Variants in CCDC150 observed in about 807,000 individuals in gnomAD.
The protein encoded by CCDC150 is coiled-coil domain-containing protein 150.
Under a neutral mutation model 156.5 loss-of-function variants are expected in CCDC150, and 151 were observed. The ratio of observed to expected loss-of-function variants is 0.97; its 90% CI spans 0.85 to 1.10. CCDC150 has a LOEUF of 1.10. Among genes scored for constraint, CCDC150 ranks in the 50% least tolerant of loss-of-function variants. The pLI is 0.00. For synonymous variants in CCDC150, 452 were observed against 429.4 expected (o/e 1.05, Z -0.65); for missense variants, 1,312 against 1,268.1 (o/e 1.03, Z -0.53).
chr2:196,665,594 T>A lies in CCDC150; in HGVS notation c.673T>A (p.Tyr225Asn), dbSNP rs748028276. 1.9e-6 allele frequency: 3 copies of A among 1,603,996 alleles called. No individual in the cohort carries two copies. Among genetic ancestry groups the A allele is most frequent in the Non-Finnish European group, 2.6e-6 (3 of 1,175,388 alleles). ...AAGGAGACAACTGGCTCAGGAGAAG[T>A]ACCTTAGGGAATCTTTAGAGAAATC... ...ELRRQLAQEK[Y>N]LRESLEKSAS... Residue 225 changes from tyrosine to asparagine, a missense_variant, in exon 6 of 28, where the codon TAC (tyrosine) becomes AAC (asparagine). Coordinates refer to ENST00000389175, the MANE Select transcript of CCDC150 (RefSeq NM_001080539.2).
chr2:196,676,455 C>A, intron 11 of CCDC150, 99 bp from the exon 12 acceptor site: 1 of 1,313,654 alleles, frequency 7.6e-7, no homozygotes, highest in Non-Finnish European at 1.1e-6. Context: ...GGTAACTACT[C>A]TCAGTCAGGA....
At chr2:196,659,247 A>G (rs1693415591) in intron 5 of CCDC150, among the ~76,000 whole-genome samples, 1 of 152,208 alleles carries the variant, frequency 6.6e-6, no homozygotes, top group African/African-American at 2.4e-5. Context: ...CTTTCATTTC[A>G]GCTTGTTTTA....
chr2:196,698,911 A>G (rs1342408709), intron 14 of CCDC150, among the ~76,000 whole-genome samples: 1 of 152,028 alleles, frequency 6.6e-6, no homozygotes, highest in Non-Finnish European at 1.5e-5. Flanking sequence ...TCATTGTTCA[A>G]TTCTTGTAGC....
intron 6 of CCDC150, 62 bp from the exon 7 acceptor site, chr2:196,666,657 A>G: frequency 1.8e-5 from 25 of 1,425,400 alleles, no homozygotes; most frequent in Non-Finnish European, 2.3e-5. Flanking sequence ...TACATGTGCT[A>G]TAAGGCAGCT....
At chr2:196,710,564 A>T (rs1026384049) in intron 15 of CCDC150, among the ~76,000 whole-genome samples, 7 of 152,182 alleles carry the variant, frequency 4.6e-5, no homozygotes, top group African/African-American at 1.7e-4. Flanking sequence ...AAAATGCAGA[A>T]ATCACCCGTC....
At chr2:196,705,363 T>C (rs909262612) in intron 15 of CCDC150, among the ~76,000 whole-genome samples, 1 of 152,250 alleles carries the variant, frequency 6.6e-6, no homozygotes, top group Non-Finnish European at 1.5e-5. Context: ...TTTTGAAAAC[T>C]GTCTGTTCAT....
chr2:196,712,663 T>G lies in CCDC150; in HGVS notation c.1804-14T>G, dbSNP rs1697209985. 1 of 1,601,626 alleles carries G rather than the reference T, an allele frequency of 6.2e-7. No homozygotes were observed. Among genetic ancestry groups the G allele is most frequent in the African/African-American group, 1.3e-5 (1 of 74,688 alleles). ...AGTTGTGAGGAACAAGTATCTTTGT[T>G]TTTTGAATTAAAGGCAAACTCAGAA... On this transcript the variant is annotated splice_polypyrimidine_tract_variant and intron_variant, in intron 16 of 27. Transcript: ENST00000389175.
At chr2:196,670,002 A>C in intron 8 of CCDC150, 126 bp downstream of exon 8, 2 of 603,060 alleles carry the variant, frequency 3.3e-6, no homozygotes, top group Non-Finnish European at 2.9e-6. Context: ...AGTTTCATGT[A>C]AATGAGTAGT....
intron 14 of CCDC150, among the ~76,000 whole-genome samples, chr2:196,698,184 T>C (rs909110338): frequency 2.4e-4 from 36 of 152,336 alleles, no homozygotes; most frequent in African/African-American, 8.4e-4. Flanking sequence ...TATTTAAATC[T>C]GTAAACAGTA....
At chr2:196,674,569 A>G (rs192334559) in intron 10 of CCDC150, among the ~76,000 whole-genome samples, 1 of 152,278 alleles carries the variant, frequency 6.6e-6, no homozygotes, top group Admixed American at 6.5e-5. Flanking sequence ...TCACTTGAGG[A>G]AAAATAATTA....
At chr2:196,728,745 A>G (rs1575983948) in intron 22 of CCDC150, among the ~76,000 whole-genome samples, 1 of 152,202 alleles carries the variant, frequency 6.6e-6, no homozygotes, top group African/African-American at 2.4e-5. Context: ...TCACAGAGTA[A>G]TTGTGTGTGC....
At chr2:196,658,310 G>C (rs1693347639) in intron 4 of CCDC150, among the ~76,000 whole-genome samples, 1 of 152,106 alleles carries the variant, frequency 6.6e-6, no homozygotes, top group African/African-American at 2.4e-5. Flanking sequence ...CAGTAAAGAA[G>C]GCAAAGATGG....
chr2:196,723,278 G>A (rs1206856870), intron 21 of CCDC150, among the ~76,000 whole-genome samples: 6 of 152,158 alleles, frequency 3.9e-5, no homozygotes, highest in African/African-American at 1.4e-4. Flanking sequence ...CAAGGTGGGC[G>A]GATCACGAGG....
chr2:196,658,451 T>A (rs952296308), intron 4 of CCDC150, among the ~76,000 whole-genome samples: 3 of 152,174 alleles, frequency 2.0e-5, no homozygotes, highest in Non-Finnish European at 4.4e-5. Context: ...AATAGAGTTC[T>A]TTAAAAAATT....
chr2:196,712,652 A>G (rs771451136), intron 16 of CCDC150, 25 bp from the exon 17 acceptor site: 1 of 1,587,160 alleles, frequency 6.3e-7, no homozygotes, highest in South Asian at 1.1e-5. Flanking sequence ...GTGAGGAACA[A>G]GTATCTTTGT....
intron 4 of CCDC150, 89 bp downstream of exon 4, chr2:196,657,225 G>T: frequency 7.9e-7 from 1 of 1,263,876 alleles, no homozygotes; most frequent in African/African-American, 1.5e-5. Context: ...TTTAAAAATA[G>T]GTGATGTTGA....
At position 196,719,489 on chromosome 2, in the gene CCDC150, T is replaced by C. The variant is rs773272302; in HGVS notation, c.1996-8T>C. On this transcript the variant is annotated splice_region_variant and splice_polypyrimidine_tract_variant and intron_variant, in intron 18 of 27. Transcript: ENST00000389175. The stretch of plus-strand genomic sequence containing the variant: ...CAAATGTCTTTGTGTTGTTTCATTT[T>C]CTGTTAGGTGGGAAACTTTCAGCGA... 13 of 1,605,706 alleles carry C rather than the reference T, an allele frequency of 8.1e-6. No homozygotes were observed. In the South Asian group the frequency reaches 1.0e-4, roughly 12 times the overall value.
In CCDC150 at chr2:196,676,708, GAGAA is replaced by G. The variant is rs763506654; in HGVS notation, c.1425_1428del (p.Glu475AspfsTer13). On this transcript the variant is annotated frameshift_variant, in exon 12 of 28. Transcript: ENST00000389175. LOFTEE classifies it high-confidence loss of function. ...GCAAGAGAAGAAGTCTCTGCTAGAGGAGAAAGAAAGATTTCAGAGGGAGGTAGGT... is the reference window on the plus strand; with the variant it reads ...GCAAGAGAAGAAGTCTCTGCTAGAGGAGAAAGATTTCAGAGGGAGGTAGGT... The G allele has an allele frequency of 1.4e-5, 23 of 1,613,096 alleles. No individual in the cohort carries two copies. In the African/African-American group the frequency reaches 2.4e-4, roughly 17 times the overall value.
chr2:196,703,541 C>T (rs549526295), intron 15 of CCDC150, among the ~76,000 whole-genome samples: 1 of 152,226 alleles, frequency 6.6e-6, no homozygotes, highest in African/African-American at 2.4e-5. Context: ...GAAAAATAGG[C>T]TACATTACAG....
Sources: gnomAD v4.1 joint callset for allele counts (sites outside exome capture counted in the v4.1 genomes callset) on GRCh38, gnomAD v4.1.1 for gene constraint, MANE v1.5 for transcripts, NCBI Gene and HGNC (gene_info 2026-07-23, HGNC 2026-07-21) for gene names.